FAM107A: variants seen among roughly 807,000 people sequenced by gnomAD.
FAM107A encodes family with sequence similarity 107 member A.
In FAM107A, 19 loss-of-function variants were observed where a neutral mutation model predicts 13.7. The ratio of observed to expected loss-of-function variants is 1.38; its 90% CI spans 0.97 to 2.03. The LOEUF is 2.03. Among genes scored for constraint, FAM107A ranks in the 30% most tolerant of loss-of-function variants. The probability of loss-of-function intolerance (pLI) is 0.00; values close to 1 mark genes in which losing one functional copy is unlikely to be tolerated. For synonymous variants in FAM107A, 82 were observed against 74.5 expected (o/e 1.10, Z -0.52); for missense variants, 203 against 184.4 (o/e 1.10, Z -0.58).
In FAM107A at chr3:58,574,827, C is replaced by T. The variant is rs140534941; in HGVS notation, c.-6+2482G>A. Among the ~76,000 whole-genome samples the T allele has an allele frequency of 2.8e-3, 424 of 152,320 alleles. 4 individuals carry two copies. The highest frequency in any genetic ancestry group is 9.6e-3 in the African/African-American group (400 of 41,566). On this transcript the variant is annotated intron_variant, in intron 1 of 3. Coordinates refer to ENST00000360997, the MANE Select transcript of FAM107A (RefSeq NM_001076778.3). Reference sequence around the variant, plus strand: ...AGGTCCCAGAGCTCCTTGCCACAGGCTCCACAGGATGTTGGCCCCACACCA... The same window carrying T: ...AGGTCCCAGAGCTCCTTGCCACAGGTTCCACAGGATGTTGGCCCCACACCA...
intron 1 of FAM107A, among the ~76,000 whole-genome samples, chr3:58,594,720 G>T (rs1319327413): frequency 6.6e-6 from 1 of 152,124 alleles, no homozygotes; most frequent in Non-Finnish European, 1.5e-5. Flanking sequence ...AATATAAGAA[G>T]ACAGGAATAG....
chr3:58,627,476 G>C, exon 1 of FAM107A: 1 of 163,048 alleles, frequency 6.1e-6, no homozygotes, highest in Admixed American at 6.2e-5. Flanking sequence ...TGGCTGAGGT[G>C]CAGAGCTCTG....
At chr3:58,587,500 T>A (rs2065620946), upstream of FAM107A, among the ~76,000 whole-genome samples, 1 of 151,806 alleles carries the variant, frequency 6.6e-6, no homozygotes, top group Non-Finnish European at 1.5e-5. Context: ...TGTGTGTGTG[T>A]GTGTGTGTGT....
At chr3:58,584,556 T>C (rs1035993031) in intron 1 of FAM107A, among the ~76,000 whole-genome samples, 2 of 152,214 alleles carry the variant, frequency 1.3e-5, no homozygotes, top group African/African-American at 2.4e-5. Flanking sequence ...TTAAGCTCTC[T>C]GAACCTCGGT....
At chr3:58,578,416 A>C (rs1415672677), upstream of FAM107A, among the ~76,000 whole-genome samples, 1 of 152,062 alleles carries the variant, frequency 6.6e-6, no homozygotes, top group African/African-American at 2.4e-5. Context: ...AAAAATACAA[A>C]AATTAGCCAG....
Position 58,567,485 on chromosome 3 carries a change from C to G in FAM107A, c.171-121G>C. 3.6e-6 allele frequency: 4 copies of G among 1,114,284 alleles called. No individual in the cohort carries two copies. The Admixed American group carries it at 7.5e-5, about 21-fold the overall frequency. The allele number at this position is 1,114,284 out of a possible 1,614,324, so 69.0% of individuals were successfully genotyped here. ...TATCTTGTGCAATCCTCCCTGTAGC[C>G]TTGGAGGTGGACCCATTACTGTCCC... On this transcript the variant is annotated intron_variant, in intron 2 of 3. Transcript: ENST00000360997.
In FAM107A at chr3:58,621,241, T is replaced by TGC. The variant is rs2106639825; in HGVS notation, c.-70+6173_-70+6174dup. Among the ~76,000 whole-genome samples the TGC allele has an allele frequency of 1.3e-5, 2 of 152,274 alleles. 1 individual carries two copies. The highest frequency in any genetic ancestry group is 4.2e-4 in the South Asian group (2 of 4,812). On this transcript the variant is annotated intron_variant, in intron 1 of 3. Transcript: ENST00000465970. ...TGCTCACAACCCCAGCATACGTGTT[T>TGC]GCGCCTGACCAGAGCCCTCAGGAAT...
chr3:58,580,389 A>G (rs1234689087), upstream of FAM107A, among the ~76,000 whole-genome samples: 3 of 141,770 alleles, frequency 2.1e-5, no homozygotes, highest in Admixed American at 1.4e-4. Flanking sequence ...TTTTTTTCCT[A>G]GGGAGGAACC....
intron 1 of FAM107A, among the ~76,000 whole-genome samples, chr3:58,593,815 GA>G (rs1444208367): frequency 2.0e-5 from 3 of 151,986 alleles, no homozygotes; most frequent in African/African-American, 7.3e-5. Context: ...CTGCACCTCC[GA>G]ACCTCCTTTA....
intron 1 of FAM107A, among the ~76,000 whole-genome samples, chr3:58,586,698 A>G (rs2065609549): frequency 6.6e-6 from 1 of 152,234 alleles, no homozygotes; most frequent in Non-Finnish European, 1.5e-5. Flanking sequence ...ACCCTGTCAC[A>G]AACAAACAAA....
At chr3:58,567,518 A>G (rs1357408769) in intron 2 of FAM107A, among the ~76,000 whole-genome samples, 154 bp from the exon 3 acceptor site, 1 of 152,188 alleles carries the variant, frequency 6.6e-6, no homozygotes, top group Non-Finnish European at 1.5e-5. Flanking sequence ...CCCATTTTAC[A>G]GGGACAGAAA....
At chr3:58,627,304 G>C (rs2066028440) in intron 1 of FAM107A, 2 of 424,698 alleles carry the variant, frequency 4.7e-6, no homozygotes, top group Admixed American at 7.7e-5. Flanking sequence ...GGGAAACTGA[G>C]GCAGCTGGGA....
At chr3:58,605,360 A>G (rs1325502202) in intron 1 of FAM107A, among the ~76,000 whole-genome samples, 3 of 152,188 alleles carry the variant, frequency 2.0e-5, no homozygotes, top group Non-Finnish European at 4.4e-5. Context: ...GGACCCCCAC[A>G]CAGATTTTGG....
At chr3:58,627,080 C>T in intron 1 of FAM107A, 2 of 1,360,860 alleles carry the variant, frequency 1.5e-6, no homozygotes, top group African/African-American at 1.4e-5. Context: ...GAGCCAGGAC[C>T]CAAGGGGCTC....
At chr3:58,626,268 G>A (rs889636690) in intron 1 of FAM107A, among the ~76,000 whole-genome samples, 4 of 152,166 alleles carry the variant, frequency 2.6e-5, no homozygotes, top group Non-Finnish European at 5.9e-5. Flanking sequence ...TGTTTCACAA[G>A]CTCCCTCCTA....
rs2063605027 is a variant in FAM107A at position 58,564,935 on chromosome 3, C to T, written c.*1653G>A. The T allele has an allele frequency of 6.6e-6, 1 of 152,276 alleles. No homozygotes were observed. The highest frequency in any genetic ancestry group is 2.1e-4 in the South Asian group (1 of 4,830). 9.4% of individuals were successfully genotyped at this position (152,276 alleles called of 1,614,324 possible). ...CACACAGGAAAAGCACGACTTCAGT[C>T]ACCCTCAAACCACCCAGTTATGAGT... On this transcript the variant is annotated 3_prime_UTR_variant, in exon 4 of 4. Coordinates refer to ENST00000360997, the MANE Select transcript of FAM107A (RefSeq NM_001076778.3). This position sits in a 1 kb window ranked among gnomAD's most constrained non-coding sequence, Gnocchi z 5.6.
chr3:58,570,206 A>T (rs1417043378), intron 1 of FAM107A: 2 of 270,908 alleles, frequency 7.4e-6, no homozygotes, highest in Non-Finnish European at 1.2e-5. Flanking sequence ...AAAAGGAATT[A>T]TGTTTGAGTT....
intron 1 of FAM107A, among the ~76,000 whole-genome samples, chr3:58,620,348 C>G (rs75237165): frequency 0.032 from 4,921 of 152,272 alleles, 293 homozygotes; most frequent in African/African-American, 0.11. Context: ...GGTAATCCTA[C>G]AGGCTTGGCA....
intron 1 of FAM107A, among the ~76,000 whole-genome samples, chr3:58,623,664 G>A (rs566510864): frequency 2.4e-4 from 37 of 152,340 alleles, no homozygotes; most frequent in African/African-American, 8.4e-4. Flanking sequence ...CGGCAGTGGG[G>A]TTTGCTGTTT....
Sources: gnomAD v4.1 joint callset for allele counts (sites outside exome capture counted in the v4.1 genomes callset) on GRCh38, gnomAD v4.1.1 for gene constraint, Gnocchi (gnomAD v3.1) non-coding constraint, MANE v1.5 for transcripts, NCBI Gene and HGNC (gene_info 2026-07-23, HGNC 2026-07-21) for gene names.